The following GALNTL6 variants were observed in gnomAD, a reference collection of about 807,000 sequenced individuals.
GALNTL6 encodes the protein polypeptide N-acetylgalactosaminyltransferase like 6.
A neutral mutation model predicts 73.7 loss-of-function variants in GALNTL6; 46 were observed. The ratio of observed to expected loss-of-function variants is 0.62; its 90% CI spans 0.49 to 0.80. GALNTL6 has a LOEUF of 0.80. GALNTL6 is among the 30% of genes least tolerant of loss of function. The probability of loss-of-function intolerance (pLI) is 0.00; values close to 1 mark genes in which losing one functional copy is unlikely to be tolerated. For synonymous variants in GALNTL6, 259 were observed against 263.7 expected (o/e 0.98, Z 0.17); for missense variants, 604 against 755.0 (o/e 0.80, Z 2.34).
At chr4:172,377,817 C>T (rs1377769350) in intron 5 of GALNTL6, among the ~76,000 whole-genome samples, 1 of 152,158 alleles carries the variant, frequency 6.6e-6, no homozygotes, top group African/African-American at 2.4e-5. Flanking sequence ...GCTGCACAGG[C>T]TGGCCGCTCT....
chr4:172,387,991 A>C (rs980478137), intron 5 of GALNTL6, among the ~76,000 whole-genome samples: 2 of 152,132 alleles, frequency 1.3e-5, no homozygotes, highest in Admixed American at 1.3e-4. Flanking sequence ...CCTCTTTTAA[A>C]GCAGTCATAC....
intron 5 of GALNTL6, among the ~76,000 whole-genome samples, chr4:172,693,509 G>C (rs997687622): frequency 3.9e-5 from 6 of 152,132 alleles, no homozygotes; most frequent in Non-Finnish European, 7.3e-5. Flanking sequence ...ACATTTTAGA[G>C]AGTGATCTTT....
chr4:172,635,722 A>G (rs1739641361), intron 5 of GALNTL6, among the ~76,000 whole-genome samples: 1 of 152,196 alleles, frequency 6.6e-6, no homozygotes, highest in African/African-American at 2.4e-5. Context: ...GTGGATGATC[A>G]GATCCAAGTT....
intron 5 of GALNTL6, among the ~76,000 whole-genome samples, chr4:172,514,650 G>C (rs1005984858): frequency 6.6e-6 from 1 of 152,116 alleles, no homozygotes; most frequent in African/African-American, 2.4e-5. Context: ...ACAAAGTTCA[G>C]CTGAAAGTTT....
At position 172,959,032 on chromosome 4, in the gene GALNTL6, T is replaced by A. The variant is rs142578226; in HGVS notation, c.1371+6774T>A. 2.0e-3 allele frequency among the ~76,000 whole-genome samples: 299 copies of A among 152,176 alleles called. 1 individual carries two copies. Among genetic ancestry groups the A allele is most frequent in the Middle Eastern group, 0.01 (3 of 294 alleles). On this transcript the variant is annotated intron_variant, in intron 10 of 12. Coordinates refer to ENST00000506823, the MANE Select transcript of GALNTL6 (RefSeq NM_001034845.3). ...AAAATCGGGGAATTGTATGGAGAGT[T>A]TATAGGCTTTAAAAGGCCATGCTGT...
intron 5 of GALNTL6, among the ~76,000 whole-genome samples, chr4:172,374,655 G>T (rs1742959943): frequency 6.6e-6 from 1 of 152,152 alleles, no homozygotes. Flanking sequence ...TCTGAGTCGA[G>T]GTCTTAGTGG....
chr4:171,904,832 C>T (rs1249514928), intron 2 of GALNTL6, among the ~76,000 whole-genome samples: 2 of 152,204 alleles, frequency 1.3e-5, no homozygotes, highest in South Asian at 2.1e-4. Flanking sequence ...AGAGTGGGGG[C>T]CAATATTCAA....
At chr4:172,817,243 T>G (rs112805209) in intron 7 of GALNTL6, among the ~76,000 whole-genome samples, 169 of 151,434 alleles carry the variant, frequency 1.1e-3, no homozygotes, top group African/African-American at 3.8e-3. Flanking sequence ...CTGGGCAACA[T>G]AGCAAAACCC....
At chr4:173,035,146 C>T (rs1181820471) in intron 12 of GALNTL6, among the ~76,000 whole-genome samples, 1 of 150,294 alleles carries the variant, frequency 6.7e-6, no homozygotes, top group African/African-American at 2.5e-5. Flanking sequence ...GCACAACATG[C>T]AGGTTTGTTA....
At chr4:172,885,147 G>A (rs1044479894) in intron 8 of GALNTL6, among the ~76,000 whole-genome samples, 2 of 151,910 alleles carry the variant, frequency 1.3e-5, no homozygotes, top group African/African-American at 4.8e-5. Context: ...TATTTTTTCC[G>A]TTTCTGTGAA....
chr4:172,314,819 A>G (rs1201038876), intron 4 of GALNTL6, among the ~76,000 whole-genome samples: 1 of 152,054 alleles, frequency 6.6e-6, no homozygotes, highest in African/African-American at 2.4e-5. Flanking sequence ...CACGTTGGCC[A>G]GGCTGGTCTC....
intron 2 of GALNTL6, among the ~76,000 whole-genome samples, chr4:171,960,688 T>TGAAA (rs745862164): frequency 9.0e-4 from 117 of 129,476 alleles, no homozygotes; most frequent in African/African-American, 3.2e-3. Context: ...TGTCTTTATT[T>TGAAA]AAAAAAAAAA....
intron 7 of GALNTL6, among the ~76,000 whole-genome samples, chr4:172,860,180 T>C: frequency 6.6e-6 from 1 of 152,230 alleles, no homozygotes; most frequent in East Asian, 1.9e-4. Context: ...CTGTGTATAC[T>C]TCTGTGTTGC....
intron 5 of GALNTL6, among the ~76,000 whole-genome samples, chr4:172,537,725 AAAG>A (rs1468632955): frequency 1.3e-5 from 2 of 152,214 alleles, no homozygotes; most frequent in African/African-American, 4.8e-5. Context: ...AGTTCTAAAA[AAAG>A]AAGAAAAGAA....
At chr4:172,650,248 C>T (rs1290418495) in intron 5 of GALNTL6, among the ~76,000 whole-genome samples, 2 of 152,080 alleles carry the variant, frequency 1.3e-5, no homozygotes, top group African/African-American at 4.8e-5. Flanking sequence ...CAGGAAGGTA[C>T]TGTGTTTTTA....
intron 5 of GALNTL6, among the ~76,000 whole-genome samples, chr4:172,395,585 A>T (rs1166535264): frequency 1.6e-4 from 25 of 152,294 alleles, no homozygotes; most frequent in African/African-American, 5.8e-4. Flanking sequence ...AATAAAATAT[A>T]TTCTGAGATA....
At chr4:171,865,977 A>G (rs1735960432) in intron 2 of GALNTL6, among the ~76,000 whole-genome samples, 1 of 152,216 alleles carries the variant, frequency 6.6e-6, no homozygotes, top group South Asian at 2.1e-4. Context: ...CCAAATTATT[A>G]TGAAGAGTTG....
chr4:172,265,502 A>C (rs1312505537), intron 3 of GALNTL6, among the ~76,000 whole-genome samples: 1 of 152,112 alleles, frequency 6.6e-6, no homozygotes, highest in Non-Finnish European at 1.5e-5. Context: ...CAAAATATTG[A>C]GTACAGTTTG....
intron 2 of GALNTL6, among the ~76,000 whole-genome samples, chr4:171,889,539 T>A (rs1221136801): frequency 6.6e-6 from 1 of 152,124 alleles, no homozygotes; most frequent in Non-Finnish European, 1.5e-5. Context: ...GCTCATTAAA[T>A]AAGATTTACA....
Sources: gnomAD v4.1 joint callset for allele counts (sites outside exome capture counted in the v4.1 genomes callset) on GRCh38, gnomAD v4.1.1 for gene constraint, MANE v1.5 for transcripts, NCBI Gene and HGNC (gene_info 2026-07-23, HGNC 2026-07-21) for gene names.